The following MAZ variants were observed in gnomAD, a reference collection of about 807,000 sequenced individuals.
MAZ encodes the protein MYC associated zinc finger protein.
A neutral mutation model predicts 32.7 loss-of-function variants in MAZ; 4 were observed. That is an observed-to-expected ratio of 0.12 (90% CI 0.06 to 0.28). MAZ has a LOEUF of 0.28. Among genes scored for constraint, MAZ ranks in the 10% least tolerant of loss-of-function variants. The pLI is 1.00. For synonymous variants in MAZ, 510 were observed against 297.6 expected (o/e 1.71, Z -7.35); for missense variants, 763 against 667.2 (o/e 1.14, Z -1.58).
At position 29,810,943 on chromosome 16, in the gene MAZ, C is replaced by A; in HGVS notation, c.*712C>A. 2.5e-6 allele frequency: 1 copy of A among 403,616 alleles called. No homozygotes were observed. Among genetic ancestry groups the A allele is most frequent in the Admixed American group, 2.7e-5 (1 of 37,524 alleles). The allele number at this position is 403,616 out of a possible 1,614,324, so 25.0% of individuals were successfully genotyped here. A position where few individuals can be genotyped will look rare whatever the true frequency, so the allele number is the denominator to read the frequency against. On this transcript the variant is annotated 3_prime_UTR_variant, in exon 5 of 5. Transcript: ENST00000322945. Reference sequence around the variant, plus strand: ...CCAGGGTGAGCGAGGGGTCCAGGGCCTAGAGGTGCTTCCTGGGGGCGGGGG... The same window carrying A: ...CCAGGGTGAGCGAGGGGTCCAGGGCATAGAGGTGCTTCCTGGGGGCGGGGG...
chr16:29,807,075 C>G lies in MAZ; in HGVS notation c.290C>G (p.Ala97Gly), dbSNP rs1899530720. The change falls in exon 2 of 5, where the codon GCG becomes GGG. Residue 97 changes from alanine (A) to glycine (G), a missense_variant. Physicochemically the swap from Ala to Gly is moderately conservative, Grantham distance 60 (BLOSUM62 0). Transcript: ENST00000322945. ...CTCGCCGCCGCCCAGGAGTCCGCCG[C>G]GGCTGCTGCGGCCGCTGCCGCCGCT... Reference protein sequence around the residue: ...PVLAAAQESAAAAAAAAAAAA... With the variant: ...PVLAAAQESAGAAAAAAAAAA... 1 of 1,019,170 alleles carries G rather than the reference C, an allele frequency of 9.8e-7. No individual in the cohort carries two copies. The highest frequency in any genetic ancestry group is 1.2e-6 in the Non-Finnish European group (1 of 854,500). The allele number at this position is 1,019,170 out of a possible 1,614,324, so 63.1% of individuals were successfully genotyped here.
intron 4 of MAZ, chr16:29,809,089 C>T (rs1316258961): frequency 1.2e-5 from 6 of 521,038 alleles, no homozygotes; most frequent in Admixed American, 7.4e-5. Context: ...TCTCCAGCTC[C>T]TGGGGCAGGT....
chr16:29,807,113 G>A lies in MAZ; in HGVS notation c.328G>A (p.Ala110Thr), dbSNP rs1349626643. ...CGCTGCCGCCGCTGCTGCCGCCGTC[G>A]CTGCCGCGCCCCCGGCCCCTGCCGC... ...AAAAAAAAAV[A>T]AAPPAPAAAS... Residue 110 changes from alanine (A) to threonine (T), a missense_variant, in exon 2 of 5, where the codon GCT becomes ACT. Transcript: ENST00000322945. 17 of 1,011,248 alleles carry A rather than the reference G, an allele frequency of 1.7e-5. No homozygotes were observed. The highest frequency in any genetic ancestry group is 8.8e-5 in the South Asian group (2 of 22,638). The allele number at this position is 1,011,248 out of a possible 1,614,324, so 62.6% of individuals were successfully genotyped here.
intron 3 of MAZ, 84 bp from the exon 4 acceptor site, chr16:29,808,486 C>G (rs541796354): frequency 9.4e-7 from 1 of 1,063,424 alleles, no homozygotes; most frequent in Non-Finnish European, 1.4e-6. Context: ...GGCTCTGATT[C>G]CTTTAATCTC....
At chr16:29,808,059 G>GT (rs1899640416) in intron 2 of MAZ, 171 bp from the exon 3 acceptor site, 2 of 972,676 alleles carry the variant, frequency 2.1e-6, no homozygotes, top group South Asian at 3.0e-5. Context: ...GGAGGCGGCG[G>GT]CGGCGGCAGC....
At chr16:29,809,508 C>T (rs1162149370) in intron 4 of MAZ, 3 of 1,377,060 alleles carry the variant, frequency 2.2e-6, no homozygotes, top group Admixed American at 1.8e-5. Context: ...GCCTGGCTGA[C>T]CCCCGCCCCA....
rs995926567 is a variant in MAZ at position 29,807,010 on chromosome 16, C to T, written c.225C>T (p.Ala75=). 2.0e-6 allele frequency: 2 copies of T among 1,008,010 alleles called. No individual in the cohort carries two copies. Among genetic ancestry groups the T allele is most frequent in the Non-Finnish European group, 2.4e-6 (2 of 847,944 alleles). The allele number at this position is 1,008,010 out of a possible 1,614,324, so 62.4% of individuals were successfully genotyped here. A position where few individuals can be genotyped will look rare whatever the true frequency, so the allele number is the denominator to read the frequency against. Residue 75 remains alanine, a synonymous_variant, in exon 2 of 5, where the codon GCC becomes GCT. Transcript: ENST00000322945. Reference sequence around the variant, plus strand: ...CGGCGCCCCCGCCCACGCCCCAGGCCCCGGCGGCCGAGCCCCTCCAGGTGG... The same window carrying T: ...CGGCGCCCCCGCCCACGCCCCAGGCTCCGGCGGCCGAGCCCCTCCAGGTGG... ...AAPAPPPTPQ[A]PAAEPLQVDL...
intron 2 of MAZ, 116 bp from the exon 3 acceptor site, chr16:29,808,114 G>T (rs1395164100): frequency 1.3e-5 from 14 of 1,064,226 alleles, no homozygotes; most frequent in Non-Finnish European, 2.0e-5. Context: ...AAGTGTCGCT[G>T]TGACGGCCTG....
intron 4 of MAZ, chr16:29,809,773 TG>T: frequency 3.0e-6 from 4 of 1,353,520 alleles, no homozygotes; most frequent in Non-Finnish European, 3.9e-6. Context: ...AGGCAAGGCG[TG>T]GGGCATGGCT....
intron 2 of MAZ, 173 bp from the exon 3 acceptor site, chr16:29,808,057 C>T (rs1408560473): frequency 1.0e-6 from 1 of 1,003,310 alleles, no homozygotes; most frequent in Non-Finnish European, 1.5e-6. Flanking sequence ...GAGGAGGCGG[C>T]GGCGGCGGCA....
In MAZ at chr16:29,810,324, C is replaced by G. The variant is rs981714014; in HGVS notation, c.*93C>G. 1 of 1,279,040 alleles carries G rather than the reference C, an allele frequency of 7.8e-7. No homozygotes were observed. Among genetic ancestry groups the G allele is most frequent in the African/African-American group, 1.5e-5 (1 of 67,884 alleles). 79.2% of individuals were successfully genotyped at this position (1,279,040 alleles called of 1,614,324 possible). ...CCTCTTTTCCCACCAACTCCTATTTCCCTACCAACCAAGGAGCCTCCAGAA... is the reference window on the plus strand; with the variant it reads ...CCTCTTTTCCCACCAACTCCTATTTGCCTACCAACCAAGGAGCCTCCAGAA... On this transcript the variant is annotated 3_prime_UTR_variant, in exon 5 of 5. Transcript: ENST00000322945.
rs1899556462 is a variant in MAZ at position 29,807,232 on chromosome 16, C to G, written c.447C>G (p.Pro149=). ...PVSAPAAEAA[P]PASAATIAAA... ...CGGCGCCCGCGGCCGAGGCCGCGCCCCCCGCCTCCGCCGCCACTATCGCCG... is the reference window on the plus strand; with the variant it reads ...CGGCGCCCGCGGCCGAGGCCGCGCCGCCCGCCTCCGCCGCCACTATCGCCG... Residue 149 remains proline, a synonymous_variant, in exon 2 of 5, where the codon CCC becomes CCG. Transcript: ENST00000322945. 1.5e-6 allele frequency: 2 copies of G among 1,370,836 alleles called. No individual in the cohort carries two copies. The highest frequency in any genetic ancestry group is 6.5e-5 in the Admixed American group (2 of 30,860). The allele number at this position is 1,370,836 out of a possible 1,614,324, so 84.9% of individuals were successfully genotyped here. A position where few individuals can be genotyped will look rare whatever the true frequency, so the allele number is the denominator to read the frequency against.
In MAZ at chr16:29,808,650, G is replaced by A. The variant is rs767279274; in HGVS notation, c.1188G>A (p.Val396=). The A allele has an allele frequency of 5.6e-6, 9 of 1,613,942 alleles. No individual in the cohort carries two copies. In the South Asian group the frequency reaches 7.7e-5, roughly 14 times the overall value. The change falls in exon 4 of 5, where the codon GTG becomes GTA. Residue 396 remains valine (V), a synonymous_variant. Coordinates refer to ENST00000322945, the MANE Select transcript of MAZ (RefSeq NM_002383.4). ...VRHEEKVPCH[V]CGKMLSSAYI... ...ACGAGGAGAAAGTGCCATGTCACGT[G>A]TGTGGCAAGATGCTGAGCTCGGCTT...
intron 2 of MAZ, 121 bp downstream of exon 2, chr16:29,807,949 C>T (rs1183780818): frequency 2.0e-5 from 29 of 1,480,284 alleles, no homozygotes; most frequent in Non-Finnish European, 2.5e-5. Flanking sequence ...GGAGCCACTC[C>T]CAGGGCGGAG....
At position 29,810,602 on chromosome 16, in the gene MAZ, T is replaced by G; in HGVS notation, c.*371T>G. ...TTCCCTCGACGGTCCTCTTCTCTCC[T>G]TCCAGTCCTCTCCCCCTGCTGTCTG... is the stretch of plus-strand genomic sequence containing the variant. On this transcript the variant is annotated 3_prime_UTR_variant, in exon 5 of 5. Coordinates refer to ENST00000322945, the MANE Select transcript of MAZ (RefSeq NM_002383.4). 1 of 661,160 alleles carries G rather than the reference T, an allele frequency of 1.5e-6. No homozygotes were observed. The highest frequency in any genetic ancestry group is 2.8e-6 in the Non-Finnish European group (1 of 359,764). The allele number at this position is 661,160 out of a possible 1,614,324, so 41.0% of individuals were successfully genotyped here. A position where few individuals can be genotyped will look rare whatever the true frequency, so the allele number is the denominator to read the frequency against.
rs1291830445 is a variant in MAZ at position 29,810,099 on chromosome 16, G to A, written c.1302G>A (p.Met434Ile). 5.6e-6 allele frequency: 9 copies of A among 1,609,556 alleles called. No individual in the cohort carries two copies. The highest frequency in any genetic ancestry group is 7.6e-6 in the Non-Finnish European group (9 of 1,177,784). Residue 434 changes from methionine to isoleucine, a missense_variant, in exon 5 of 5, where the codon ATG (methionine) becomes ATA (isoleucine). By Grantham distance (10) the Met-to-Ile change is conservative. Transcript: ENST00000322945. Reference protein sequence around the residue: ...CNKGTGEVCPMAAAAAAAAAA... With the variant: ...CNKGTGEVCPIAAAAAAAAAA... ...CAGGTACTGGTGAGGTTTGTCCAAT[G>A]GCGGCGGCAGCGGCAGCGGCGGCAG... is the stretch of plus-strand genomic sequence containing the variant.
chr16:29,807,667 G>A lies in MAZ; in HGVS notation c.882G>A (p.Leu294=), dbSNP rs1420872616. 1.2e-6 allele frequency: 2 copies of A among 1,612,892 alleles called. No individual in the cohort carries two copies. Among genetic ancestry groups the A allele is most frequent in the Non-Finnish European group, 1.7e-6 (2 of 1,179,954 alleles). ...AGGCCTTCCGCGACGTCTACCACCT[G>A]AACCGACACAAGCTGTCGCACTCGG... ...CGKAFRDVYH[L]NRHKLSHSDE... Residue 294 remains leucine, a synonymous_variant, in exon 2 of 5, where the codon CTG becomes CTA. Transcript: ENST00000322945.
chr16:29,810,274 T>C lies in MAZ; in HGVS notation c.*43T>C, dbSNP rs1267903101. The C allele has an allele frequency of 1.3e-6, 2 of 1,535,166 alleles. No homozygotes were observed. The highest frequency in any genetic ancestry group is 2.8e-5 in the African/African-American group (2 of 72,516). On this transcript the variant is annotated 3_prime_UTR_variant, in exon 5 of 5. Coordinates refer to ENST00000322945, the MANE Select transcript of MAZ (RefSeq NM_002383.4). ...GGGGAGAGGGGAGAATGGAGTAGAG[T>C]CCCTTGGTACAAGCTCCTCTCCCCC...
intron 3 of MAZ, 41 bp downstream of exon 3, chr16:29,808,334 T>C (rs373164747): frequency 1.3e-6 from 2 of 1,578,968 alleles, no homozygotes; most frequent in Non-Finnish European, 1.7e-6. Flanking sequence ...TTCATGATTT[T>C]GATCCTCATG....
Sources: gnomAD v4.1 joint callset for allele counts on GRCh38, gnomAD v4.1.1 for gene constraint, MANE v1.5 for transcripts, NCBI Gene and HGNC (gene_info 2026-07-23, HGNC 2026-07-21) for gene names.